The following TSPAN15 variants were observed in gnomAD, a reference collection of about 807,000 sequenced individuals.
TSPAN15 encodes tetraspanin-15.
TSPAN15 carries 20 observed loss-of-function variants against 34.5 expected under a neutral mutation model. That is an observed-to-expected ratio of 0.58 (90% CI 0.41 to 0.84). The LOEUF is 0.84. Among genes scored for constraint, TSPAN15 ranks in the 40% least tolerant of loss-of-function variants. The pLI, the probability that TSPAN15 is intolerant of heterozygous loss-of-function variation, is 0.00. For missense variants in TSPAN15, 313 were observed against 386.1 expected (o/e 0.81, Z 1.59); for synonymous variants, 155 against 153.9 (o/e 1.01, Z -0.05).
the TSPAN15 span, among the ~76,000 whole-genome samples, chr10:69,518,889 C>T: frequency 6.6e-6 from 1 of 152,142 alleles, no homozygotes; most frequent in South Asian, 2.1e-4. Context: ...GGATTAGAAA[C>T]TCAACTGCCT....
rs527776936 is a variant in TSPAN15, at chr10:69,489,578, C to T, written c.357+4363C>T. On this transcript the variant is annotated intron_variant, in intron 3 of 7. Coordinates refer to ENST00000373290, the MANE Select transcript of TSPAN15 (RefSeq NM_012339.5). ...TCCATTTGGGGTCCCTGACTTCCCG[C>T]AACAATTAGGCTAAGGATTACATGT... Among the ~76,000 whole-genome samples, 231 of 152,330 alleles carry T rather than the reference C, an allele frequency of 1.5e-3. 1 individual carries two copies. The highest frequency in any genetic ancestry group is 2.7e-3 in the Non-Finnish European group (181 of 68,028).
intron 1 of TSPAN15, among the ~76,000 whole-genome samples, chr10:69,452,109 C>G (rs919094503): frequency 1.3e-5 from 2 of 152,264 alleles, no homozygotes; most frequent in African/African-American, 2.4e-5. Flanking sequence ...GATTCCGGGT[C>G]TGGTCCCTGC....
At chr10:69,467,910 A>C (rs1841423419) in intron 1 of TSPAN15, among the ~76,000 whole-genome samples, 1 of 152,082 alleles carries the variant, frequency 6.6e-6, no homozygotes, top group South Asian at 2.1e-4. Flanking sequence ...AGTGCATCTG[A>C]AACTTGAGGG....
At chr10:69,520,647 C>A in the TSPAN15 span, among the ~76,000 whole-genome samples, 1 of 152,164 alleles carries the variant, frequency 6.6e-6, no homozygotes, top group Non-Finnish European at 1.5e-5. Context: ...CAGAGCAAGA[C>A]CTTGTCTCAA....
chr10:69,540,249 G>T, the TSPAN15 span, among the ~76,000 whole-genome samples: 1 of 152,144 alleles, frequency 6.6e-6, no homozygotes, highest in African/African-American at 2.4e-5. Context: ...AAAAAAATTA[G>T]CCAGGCGTGG....
At chr10:69,485,273 C>A in intron 3 of TSPAN15, 58 bp downstream of exon 3, 1 of 1,444,064 alleles carries the variant, frequency 6.9e-7, no homozygotes, top group Non-Finnish European at 9.7e-7. Context: ...CTGTGGGTGC[C>A]TTGGGCTAAC....
intron 1 of TSPAN15, among the ~76,000 whole-genome samples, chr10:69,474,755 C>T (rs1841580018): frequency 6.6e-6 from 1 of 152,180 alleles, no homozygotes; most frequent in South Asian, 2.1e-4. Context: ...TAAGCCCATA[C>T]CCAGAATTCC....
the TSPAN15 span, among the ~76,000 whole-genome samples, chr10:69,549,384 C>T: frequency 6.6e-6 from 1 of 152,176 alleles, no homozygotes. Flanking sequence ...CACTCCTTCC[C>T]TATGGTATAT....
intron 1 of TSPAN15, among the ~76,000 whole-genome samples, chr10:69,462,439 A>G (rs1841289955): frequency 6.6e-6 from 1 of 152,004 alleles, no homozygotes; most frequent in East Asian, 1.9e-4. Flanking sequence ...GGTTTATGCC[A>G]TTCTCCTGCC....
the TSPAN15 span, among the ~76,000 whole-genome samples, chr10:69,522,481 G>T: frequency 1.4e-5 from 2 of 138,596 alleles, no homozygotes; most frequent in South Asian, 4.6e-4. Context: ...ATATATTCTA[G>T]ATATCAATCA....
chr10:69,498,424 G>A, intron 5 of TSPAN15, 28 bp downstream of exon 5: 2 of 1,579,714 alleles, frequency 1.3e-6, no homozygotes, highest in Non-Finnish European at 1.7e-6. Flanking sequence ...GGGGACTGGG[G>A]GGCTGTCGGG....
chr10:69,513,940 T>C, the TSPAN15 span, among the ~76,000 whole-genome samples: 92,711 of 152,102 alleles, frequency 0.61, 28,839 homozygotes, highest in African/African-American at 0.71. Flanking sequence ...GTCAATGTTG[T>C]ATAGCAAATG....
chr10:69,500,747 CA>C (rs1842188135), intron 5 of TSPAN15, among the ~76,000 whole-genome samples: 1 of 152,192 alleles, frequency 6.6e-6, no homozygotes, highest in African/African-American at 2.4e-5. Flanking sequence ...ACATTAGCCT[CA>C]TGCAGAAACA....
rs188119579 is a variant in TSPAN15 at position 69,486,873 on chromosome 10, C to G, written c.357+1658C>G. Among the ~76,000 whole-genome samples, 180 of 152,376 alleles carry G rather than the reference C, an allele frequency of 1.2e-3. 1 individual carries two copies. Among genetic ancestry groups the G allele is most frequent in the Middle Eastern group, 6.8e-3 (2 of 294 alleles). ...AGGAAAGGGGCTTTATTCCATTTGCCCATGAGGCTGCTTCTCCCTTTTCCT... is the reference window on the plus strand; with the variant it reads ...AGGAAAGGGGCTTTATTCCATTTGCGCATGAGGCTGCTTCTCCCTTTTCCT... On this transcript the variant is annotated intron_variant, in intron 3 of 7. Transcript: ENST00000373290.
the TSPAN15 span, among the ~76,000 whole-genome samples, chr10:69,515,831 C>A: frequency 6.6e-6 from 1 of 152,292 alleles, no homozygotes; most frequent in African/African-American, 2.4e-5. Context: ...CGCGGCTGAC[C>A]CACTACTTGG....
At chr10:69,533,688 AAATT>A in the TSPAN15 span, among the ~76,000 whole-genome samples, 44 of 152,356 alleles carry the variant, frequency 2.9e-4, no homozygotes, top group African/African-American at 9.4e-4. Flanking sequence ...AGAAAAAAGA[AAATT>A]AATCAAACCC....
At chr10:69,487,298 T>G (rs1268514384) in intron 3 of TSPAN15, among the ~76,000 whole-genome samples, 1 of 151,110 alleles carries the variant, frequency 6.6e-6, no homozygotes, top group East Asian at 2.0e-4. Flanking sequence ...CACACAGGAG[T>G]TAAGAATTCC....
downstream of TSPAN15, among the ~76,000 whole-genome samples, chr10:69,508,994 A>T (rs186974119): frequency 3.0e-4 from 46 of 152,354 alleles, no homozygotes; most frequent in Non-Finnish European, 5.0e-4. Flanking sequence ...CCTAATGGAC[A>T]CAAGGCCAGG....
At chr10:69,499,588 C>T (rs963869285) in intron 5 of TSPAN15, among the ~76,000 whole-genome samples, 1 of 152,204 alleles carries the variant, frequency 6.6e-6, no homozygotes, top group Non-Finnish European at 1.5e-5. Flanking sequence ...TACTCTATGC[C>T]AGACACATTT....
Sources: allele counts gnomAD v4.1 joint callset (sites outside exome capture counted in the v4.1 genomes callset), GRCh38; gene constraint gnomAD v4.1.1; transcripts MANE v1.5; gene names NCBI Gene and HGNC (gene_info 2026-07-23, HGNC 2026-07-21).